Variants in WWOX observed in about 807,000 individuals in gnomAD.
The protein encoded by WWOX is WW domain-containing oxidoreductase.
In WWOX, 69 loss-of-function variants were observed where a neutral mutation model predicts 46.2. The ratio of observed to expected loss-of-function variants is 1.49; its 90% CI spans 1.23 to 1.82. The LOEUF (loss-of-function observed/expected upper bound fraction) is 1.82. Among genes scored for constraint, WWOX ranks in the 40% most tolerant of loss-of-function variants. WWOX has a pLI of 0.00. For missense variants in WWOX, 919 were observed against 542.6 expected, an observed-to-expected ratio of 1.69 and a Z score of -6.89; for synonymous variants, 359 against 202.6, an observed-to-expected ratio of 1.77 and a Z score of -6.56.
chr16:78,984,316 C>A (rs540355072), intron 8 of WWOX, among the ~76,000 whole-genome samples: 5 of 152,160 alleles, frequency 3.3e-5, no homozygotes, highest in Non-Finnish European at 7.3e-5. Flanking sequence ...GCAAGTCCCC[C>A]ACCTCCAAGA....
At chr16:79,172,313 T>C (rs1276100486) in intron 8 of WWOX, among the ~76,000 whole-genome samples, 1 of 152,174 alleles carries the variant, frequency 6.6e-6, no homozygotes, top group Non-Finnish European at 1.5e-5. Flanking sequence ...TGCAGCTGCT[T>C]TCGTGCAGGA....
intron 8 of WWOX, among the ~76,000 whole-genome samples, chr16:79,094,989 G>C (rs1290463563): frequency 2.0e-5 from 3 of 152,098 alleles, no homozygotes; most frequent in Admixed American, 6.5e-5. Context: ...CACAGGAGGG[G>C]CGACATGGTT....
Position 78,714,958 on chromosome 16 carries a change from G to A in WWOX, c.1056+282206G>A, listed in dbSNP as rs372182340. On this transcript the variant is annotated intron_variant, in intron 8 of 8. Transcript: ENST00000566780. Reference sequence around the variant, plus strand: ...ACGTGATTGTGATATAATATCATGCGGCTGAGGACAACACTATAACTGCTC... The same window carrying A: ...ACGTGATTGTGATATAATATCATGCAGCTGAGGACAACACTATAACTGCTC... Among the ~76,000 whole-genome samples, 10 of 152,192 alleles carry A rather than the reference G, an allele frequency of 6.6e-5. No homozygotes were observed. In the South Asian group the frequency reaches 2.1e-3, roughly 32 times the overall value.
chr16:78,632,229 A>T (rs558626855), intron 8 of WWOX, among the ~76,000 whole-genome samples: 11 of 152,236 alleles, frequency 7.2e-5, no homozygotes, highest in Admixed American at 1.3e-4. Flanking sequence ...ATATCTGTAC[A>T]ATGGGGTTAA....
chr16:79,008,346 A>T (rs2047231907), intron 8 of WWOX, among the ~76,000 whole-genome samples: 1 of 152,180 alleles, frequency 6.6e-6, no homozygotes. Flanking sequence ...GATCAGTCCC[A>T]CTTAGGATTG....
At chr16:78,464,901 T>G (rs1039780228) in intron 8 of WWOX, among the ~76,000 whole-genome samples, 1 of 152,190 alleles carries the variant, frequency 6.6e-6, no homozygotes, top group African/African-American at 2.4e-5. Flanking sequence ...GACTGGGTAA[T>G]TTATAAAGAA....
At chr16:79,173,318 C>T (rs532835751) in intron 8 of WWOX, among the ~76,000 whole-genome samples, 38 of 132,010 alleles carry the variant, frequency 2.9e-4, no homozygotes, top group Non-Finnish European at 1.8e-4. Context: ...ATCTTAGAGA[C>T]GTAAAAACAC....
intron 8 of WWOX, among the ~76,000 whole-genome samples, chr16:79,064,613 C>T (rs1409891147): frequency 1.3e-5 from 2 of 152,180 alleles, no homozygotes. Flanking sequence ...AGACATGGAG[C>T]AAAGCAGTTA....
rs540513380 is a variant in WWOX, at chr16:78,133,296, T to C, written c.409+18142T>C. ...TTTTTTGAAAGATGGAGTCTTGCAC[T>C]GTCACCCAGGCTTGAGTGCAGTGGC... On this transcript the variant is annotated intron_variant, in intron 4 of 8. Coordinates refer to ENST00000566780, the MANE Select transcript of WWOX (RefSeq NM_016373.4). Among the ~76,000 whole-genome samples, 3 of 152,352 alleles carry C rather than the reference T, an allele frequency of 2.0e-5. No individual in the cohort carries two copies. The South Asian group carries it at 6.2e-4, about 32-fold the overall frequency.
chr16:78,919,899 A>G (rs942521446), intron 8 of WWOX, among the ~76,000 whole-genome samples: 3 of 152,178 alleles, frequency 2.0e-5, no homozygotes, highest in African/African-American at 4.8e-5. Flanking sequence ...AGTTGATTAT[A>G]GATATATTAA....
intron 5 of WWOX, among the ~76,000 whole-genome samples, chr16:78,336,693 C>T (rs922585900): frequency 6.6e-6 from 1 of 151,900 alleles, no homozygotes; most frequent in African/African-American, 2.4e-5. Context: ...CCCAGAGCTG[C>T]CATCTTTTCT....
chr16:79,044,909 G>T (rs1185711410), intron 8 of WWOX, among the ~76,000 whole-genome samples: 1 of 152,112 alleles, frequency 6.6e-6, no homozygotes, highest in African/African-American at 2.4e-5. Context: ...TGAGGCTAAT[G>T]CTAGTGCTCA....
At chr16:79,106,947 C>T (rs950567484) in intron 8 of WWOX, among the ~76,000 whole-genome samples, 4 of 151,198 alleles carry the variant, frequency 2.6e-5, no homozygotes, top group African/African-American at 7.3e-5. Flanking sequence ...AGCTGGGATT[C>T]TGGGTGCCCC....
At chr16:78,187,798 T>C (rs567170603) in intron 5 of WWOX, among the ~76,000 whole-genome samples, 1 of 152,310 alleles carries the variant, frequency 6.6e-6, no homozygotes, top group East Asian at 1.9e-4. Context: ...TTACCTTAAC[T>C]TCAGCAGGGC....
At chr16:78,417,754 A>G (rs535811729) in intron 6 of WWOX, among the ~76,000 whole-genome samples, 21 of 152,298 alleles carry the variant, frequency 1.4e-4, no homozygotes, top group African/African-American at 4.8e-4. Context: ...GGTGCTTCAA[A>G]GGATTTCTGC....
intron 8 of WWOX, among the ~76,000 whole-genome samples, chr16:78,638,571 C>G (rs1046495921): frequency 5.9e-5 from 9 of 152,124 alleles, no homozygotes; most frequent in Admixed American, 2.0e-4. Context: ...GCAATTGACT[C>G]TCATAGAATG....
chr16:78,650,213 C>G (rs574958828), intron 8 of WWOX, among the ~76,000 whole-genome samples: 2 of 152,130 alleles, frequency 1.3e-5, no homozygotes, highest in Non-Finnish European at 2.9e-5. Flanking sequence ...TTCTTTGTAA[C>G]ACATTACTAC....
intron 8 of WWOX, among the ~76,000 whole-genome samples, chr16:78,798,679 AG>A (rs1317028532): frequency 1.3e-5 from 2 of 151,306 alleles, no homozygotes; most frequent in African/African-American, 4.9e-5. Flanking sequence ...TCACCATCTC[AG>A]GGGTAAATAA....
chr16:78,340,661 G>C lies in WWOX; in HGVS notation c.517-46199G>C, dbSNP rs1256009730. ...GGATGATCTGGCTGGACTATTTTTT[G>C]GGAAAACCACTGTGTTTGAATGTTT... On this transcript the variant is annotated intron_variant, in intron 5 of 8. Coordinates refer to ENST00000566780, the MANE Select transcript of WWOX (RefSeq NM_016373.4). Among the ~76,000 whole-genome samples, 3 of 119,808 alleles carry C rather than the reference G, an allele frequency of 2.5e-5. 1 individual carries two copies. Among genetic ancestry groups the C allele is most frequent in the Non-Finnish European group, 6.0e-5 (3 of 50,244 alleles). The allele number at this position is 119,808 out of a possible 152,430, so 78.6% of individuals were successfully genotyped here.
Sources: allele counts gnomAD v4.1 joint callset (sites outside exome capture counted in the v4.1 genomes callset), GRCh38; gene constraint gnomAD v4.1.1; transcripts MANE v1.5; gene names NCBI Gene and HGNC (gene_info 2026-07-23, HGNC 2026-07-21).